PLXDC2: variants seen among roughly 807,000 people sequenced by gnomAD.
PLXDC2 encodes the protein plexin domain containing 2, also known as plexin domain-containing protein 2.
In PLXDC2, 40 loss-of-function variants were observed where a neutral mutation model predicts 68.9. The ratio of observed to expected loss-of-function variants is 0.58; its 90% confidence interval spans 0.45 to 0.76. The LOEUF (loss-of-function observed/expected upper bound fraction) is 0.76, where lower values mean the gene tolerates loss of function less well. Ranked by LOEUF, PLXDC2 falls within the 30% of genes least tolerant of loss-of-function variation. The probability of loss-of-function intolerance (pLI) is 0.00; values close to 1 mark genes in which losing one functional copy is unlikely to be tolerated. For missense variants in PLXDC2, 644 were observed against 661.9 expected (o/e 0.97, Z 0.30); for synonymous variants, 243 against 234.2 (o/e 1.04, Z -0.34).
At chr10:20,000,868 A>G (rs769544801) in intron 1 of PLXDC2, among the ~76,000 whole-genome samples, 93 of 152,126 alleles carry the variant, frequency 6.1e-4, no homozygotes, top group Non-Finnish European at 1.1e-3. Context: ...ATCTTTTACT[A>G]ATAGTTGGGT....
intron 1 of PLXDC2, among the ~76,000 whole-genome samples, chr10:19,895,164 T>G (rs1201654784): frequency 1.3e-5 from 2 of 152,106 alleles, no homozygotes; most frequent in Non-Finnish European, 2.9e-5. Flanking sequence ...TCTTAACAAC[T>G]AGGGGAAGCC....
At chr10:20,141,127 C>T (rs1338299999) in intron 4 of PLXDC2, among the ~76,000 whole-genome samples, 1 of 151,962 alleles carries the variant, frequency 6.6e-6, no homozygotes, top group Non-Finnish European at 1.5e-5. Flanking sequence ...GAAATTTCAC[C>T]TTTGACATTT....
chr10:20,106,459 G>A (rs1235310992), intron 4 of PLXDC2, among the ~76,000 whole-genome samples: 1 of 152,190 alleles, frequency 6.6e-6, no homozygotes, highest in Non-Finnish European at 1.5e-5. Context: ...ACATTGGCCA[G>A]TGCTGGAATC....
rs868159588 is a variant in PLXDC2, at chr10:20,044,231, T to C, written c.325-2638T>C. Among the ~76,000 whole-genome samples the C allele has an allele frequency of 2.9e-3, 208 of 72,784 alleles. 7 individuals carry two copies. The highest frequency in any genetic ancestry group is 0.013 in the African/African-American group (193 of 14,572). The allele number at this position is 72,784 out of a possible 152,430, so 47.7% of individuals were successfully genotyped here. A position where few individuals can be genotyped will look rare whatever the true frequency, so the allele number is the denominator to read the frequency against. On this transcript the variant is annotated intron_variant, in intron 2 of 13. Transcript: ENST00000377252. ...TCTCTGTCTTTCTTTCTTTCTTTCT[T>C]TCTTTCTTTCTTTCTTTCTTTCTTT...
chr10:20,099,521 A>G (rs781155631), intron 4 of PLXDC2, among the ~76,000 whole-genome samples: 8 of 152,178 alleles, frequency 5.3e-5, no homozygotes, highest in Non-Finnish European at 1.2e-4. Context: ...CAGATCCTCA[A>G]AAGAATGTTG....
intron 6 of PLXDC2, among the ~76,000 whole-genome samples, chr10:20,160,020 T>A (rs1044932684): frequency 6.6e-6 from 1 of 152,200 alleles, no homozygotes; most frequent in African/African-American, 2.4e-5. Flanking sequence ...TTTTAATGCC[T>A]GTCCCTGTTC....
chr10:19,819,480 A>T (rs1378724603), intron 1 of PLXDC2, among the ~76,000 whole-genome samples: 1 of 126,220 alleles, frequency 7.9e-6, no homozygotes, highest in Non-Finnish European at 1.8e-5. Context: ...AAAATTCAGT[A>T]TGGGGGGAAA....
chr10:20,072,129 C>T (rs1836327674), intron 4 of PLXDC2, among the ~76,000 whole-genome samples: 1 of 151,576 alleles, frequency 6.6e-6, no homozygotes, highest in African/African-American at 2.4e-5. Flanking sequence ...GGCGGATCAC[C>T]TGAGGTCCAG....
chr10:20,008,732 T>C (rs1200262843), intron 2 of PLXDC2, among the ~76,000 whole-genome samples: 1 of 152,082 alleles, frequency 6.6e-6, no homozygotes, highest in Non-Finnish European at 1.5e-5. Flanking sequence ...ATAATTCCCA[T>C]GTGTTGTGGG....
At chr10:20,033,225 G>A (rs1490544409) in intron 2 of PLXDC2, among the ~76,000 whole-genome samples, 2 of 151,528 alleles carry the variant, frequency 1.3e-5, no homozygotes, top group African/African-American at 2.4e-5. Context: ...AAAATAAAAG[G>A]ATCCAAAAGA....
At chr10:19,911,909 T>G (rs1833278044) in intron 1 of PLXDC2, among the ~76,000 whole-genome samples, 1 of 152,246 alleles carries the variant, frequency 6.6e-6, no homozygotes, top group Non-Finnish European at 1.5e-5. Flanking sequence ...ATGTTCTATG[T>G]AAGCAAATTG....
At chr10:19,827,665 A>AT (rs1836598659) in intron 1 of PLXDC2, among the ~76,000 whole-genome samples, 1 of 150,702 alleles carries the variant, frequency 6.6e-6, no homozygotes, top group South Asian at 2.1e-4. Context: ...GGTTCAAGTG[A>AT]TTTTCCTGCC....
chr10:20,265,913 A>C (rs1262112144), intron 13 of PLXDC2, among the ~76,000 whole-genome samples: 1 of 152,170 alleles, frequency 6.6e-6, no homozygotes, highest in Non-Finnish European at 1.5e-5. Flanking sequence ...TTCCTGCCCC[A>C]CCAACGGGAT....
chr10:20,196,342 A>G (rs900413657), intron 9 of PLXDC2, among the ~76,000 whole-genome samples: 6 of 152,162 alleles, frequency 3.9e-5, no homozygotes, highest in Admixed American at 2.6e-4. Flanking sequence ...GATTTTCTCT[A>G]TATGTCAAAT....
At chr10:20,126,344 CAT>C (rs1388708675) in intron 4 of PLXDC2, among the ~76,000 whole-genome samples, 1 of 139,366 alleles carries the variant, frequency 7.2e-6, no homozygotes, top group Non-Finnish European at 1.5e-5. Flanking sequence ...TTATATAATA[CAT>C]ATATACATAT....
At chr10:19,867,553 T>A (rs1279070559) in intron 1 of PLXDC2, among the ~76,000 whole-genome samples, 1 of 152,190 alleles carries the variant, frequency 6.6e-6, no homozygotes, top group Non-Finnish European at 1.5e-5. Context: ...CCTTCTTACT[T>A]CTCAGGTTGC....
intron 1 of PLXDC2, among the ~76,000 whole-genome samples, chr10:19,821,063 G>T (rs1479955661): frequency 6.6e-6 from 1 of 152,144 alleles, no homozygotes; most frequent in Non-Finnish European, 1.5e-5. Context: ...CTGGATGGGC[G>T]ACAAAGGGAG....
At chr10:20,267,714 T>C (rs1330849927) in intron 13 of PLXDC2, among the ~76,000 whole-genome samples, 2 of 151,946 alleles carry the variant, frequency 1.3e-5, no homozygotes, top group African/African-American at 4.8e-5. Context: ...ACCTAAATAA[T>C]TCACAAACCA....
chr10:19,834,358 T>TGA (rs1564603552), intron 1 of PLXDC2, among the ~76,000 whole-genome samples: 1 of 148,798 alleles, frequency 6.7e-6, no homozygotes, highest in African/African-American at 2.5e-5. Flanking sequence ...AGAGAGAGTG[T>TGA]GTGTGTGTCT....
Sources: gnomAD v4.1 joint callset for allele counts (sites outside exome capture counted in the v4.1 genomes callset) on GRCh38, gnomAD v4.1.1 for gene constraint, MANE v1.5 for transcripts, NCBI Gene and HGNC (gene_info 2026-07-23, HGNC 2026-07-21) for gene names.